The following DACH2 variants were observed in gnomAD, a reference collection of about 807,000 sequenced individuals.
The protein encoded by DACH2 is dachshund family transcription factor 2.
DACH2 carries 17 observed loss-of-function variants against 35.8 expected under a neutral mutation model. The observed-to-expected ratio is 0.48, with a 90% confidence interval of 0.33 to 0.71. The LOEUF is 0.71. Among genes scored for constraint, DACH2 ranks in the 30% least tolerant of loss-of-function variants. DACH2 has a pLI of 0.02. For synonymous variants in DACH2, 195 were observed against 177.3 expected (o/e 1.10, Z -0.79); for missense variants, 469 against 472.7 (o/e 0.99, Z 0.07).
chrX:86,400,810 A>C (rs895496707), intron 2 of DACH2, among the ~76,000 whole-genome samples: 9 of 111,968 alleles, frequency 8.0e-5, no homozygotes, highest in African/African-American at 2.9e-4. Flanking sequence ...CCTCCTAGTT[A>C]GGCTACTCGG....
chrX:86,698,471 T>G (rs1223340887), intron 5 of DACH2, among the ~76,000 whole-genome samples: 1 of 105,919 alleles, frequency 9.4e-6, no homozygotes, highest in Non-Finnish European at 1.9e-5. Context: ...AGGAATAAAT[T>G]TAGATAAATT....
intron 7 of DACH2, among the ~76,000 whole-genome samples, chrX:86,804,847 G>C (rs1190088276): frequency 9.4e-6 from 1 of 106,900 alleles, no homozygotes; most frequent in Non-Finnish European, 1.9e-5. Context: ...GGGCATACTA[G>C]TACAATAGGC....
intron 2 of DACH2, among the ~76,000 whole-genome samples, chrX:86,463,856 G>A (rs1006017532): frequency 6.3e-5 from 7 of 111,365 alleles, no homozygotes; most frequent in African/African-American, 1.3e-4. Flanking sequence ...CAAAAAGTGG[G>A]CAAAGGGTAT....
chrX:86,238,223 T>A (rs190766685), intron 1 of DACH2, among the ~76,000 whole-genome samples: 19 of 112,565 alleles, frequency 1.7e-4, no homozygotes, highest in Middle Eastern at 9.3e-3. Flanking sequence ...GCAGGATCCC[T>A]TTTCTAAATG....
chrX:86,219,127 G>C (rs1019455314), intron 1 of DACH2, among the ~76,000 whole-genome samples: 4 of 111,853 alleles, frequency 3.6e-5, no homozygotes, highest in Non-Finnish European at 7.5e-5. Flanking sequence ...AACGTGAGTT[G>C]ATGCATTTAG....
chrX:86,638,014 C>T lies in DACH2; in HGVS notation c.641-13022C>T, dbSNP rs763717602. Among the ~76,000 whole-genome samples the T allele has an allele frequency of 6.4e-5, 7 of 109,361 alleles. No individual in the cohort carries two copies. In the South Asian group the frequency reaches 2.7e-3, roughly 42 times the overall value. 95.0% of individuals were successfully genotyped at this position (109,361 alleles called of 115,157 possible). On this transcript the variant is annotated intron_variant, in intron 3 of 11. Transcript: ENST00000373125. Reference sequence around the variant, plus strand: ...ATCACAATACTGATCCCAAATTATACATCAGAGGTACACTAACGAAAACAA... The same window carrying T: ...ATCACAATACTGATCCCAAATTATATATCAGAGGTACACTAACGAAAACAA...
At chrX:86,396,027 G>C (rs995777420) in intron 2 of DACH2, among the ~76,000 whole-genome samples, 9 of 111,134 alleles carry the variant, frequency 8.1e-5, no homozygotes, top group Non-Finnish European at 1.5e-4. Flanking sequence ...GTTCCTATTC[G>C]TCCACATCCT....
At chrX:86,502,514 T>C (rs767406507) in intron 2 of DACH2, among the ~76,000 whole-genome samples, 16 of 112,541 alleles carry the variant, frequency 1.4e-4, no homozygotes, top group Non-Finnish European at 9.4e-5. Context: ...AGACTGGCTT[T>C]TAAATTCTAT....
At position 86,548,500 on chromosome X, in the gene DACH2, G is replaced by A. The variant is rs774276466; in HGVS notation, c.640+34109G>A. On this transcript the variant is annotated intron_variant, in intron 3 of 11. Transcript: ENST00000373125. ...CTTAGTCACACAGTTCCTCTTGTCC[G>A]TCTGTGAAACAAATCTCCATGCAGT... Among the ~76,000 whole-genome samples the A allele has an allele frequency of 6.3e-5, 7 of 111,948 alleles. 1 individual carries two copies. In the South Asian group the frequency reaches 1.1e-3, roughly 18 times the overall value.
At chrX:86,562,834 A>G (rs922119209) in intron 3 of DACH2, among the ~76,000 whole-genome samples, 1 of 111,740 alleles carries the variant, frequency 8.9e-6, no homozygotes, top group Non-Finnish European at 1.9e-5. Flanking sequence ...CCTTAACTGT[A>G]TTGCATCATG....
chrX:86,169,015 C>T (rs1433791791), intron 1 of DACH2, among the ~76,000 whole-genome samples: 1 of 111,259 alleles, frequency 9.0e-6, no homozygotes, highest in African/African-American at 3.3e-5. Flanking sequence ...CAAACCCTTA[C>T]TTATTGTTCT....
At chrX:86,706,757 A>G (rs1421643395) in intron 5 of DACH2, among the ~76,000 whole-genome samples, 1 of 110,407 alleles carries the variant, frequency 9.1e-6, no homozygotes, top group Non-Finnish European at 1.9e-5. Context: ...CAAGTCAAAA[A>G]AGAACCCCCA....
intron 4 of DACH2, among the ~76,000 whole-genome samples, chrX:86,688,716 G>A (rs1434241096): frequency 8.9e-6 from 1 of 111,986 alleles, no homozygotes; most frequent in Non-Finnish European, 1.9e-5. Context: ...TTTCAGACAT[G>A]TTGAATTGAA....
intron 3 of DACH2, among the ~76,000 whole-genome samples, chrX:86,549,657 G>A (rs1473619212): frequency 1.8e-5 from 2 of 109,649 alleles, no homozygotes; most frequent in African/African-American, 6.6e-5. Context: ...AAGACTTTTT[G>A]TACCTGGAAA....
At chrX:86,211,673 T>C (rs1189011820) in intron 1 of DACH2, among the ~76,000 whole-genome samples, 3 of 111,724 alleles carry the variant, frequency 2.7e-5, no homozygotes, top group Non-Finnish European at 5.7e-5. Flanking sequence ...ATTTTGGATA[T>C]TTGTAGTGCT....
chrX:86,527,566 T>C (rs1339034191), intron 3 of DACH2, among the ~76,000 whole-genome samples: 1 of 112,697 alleles, frequency 8.9e-6, no homozygotes, highest in Non-Finnish European at 1.9e-5. Context: ...TTTTATGGTA[T>C]GAATATAACA....
At chrX:86,588,587 G>T (rs1001449691) in intron 3 of DACH2, among the ~76,000 whole-genome samples, 17 of 111,391 alleles carry the variant, frequency 1.5e-4, no homozygotes, top group Admixed American at 6.7e-4. Flanking sequence ...CATCTCCTTG[G>T]TTAGCTCTAT....
intron 2 of DACH2, among the ~76,000 whole-genome samples, chrX:86,513,987 A>G (rs766343730): frequency 3.6e-5 from 4 of 111,650 alleles, no homozygotes; most frequent in Admixed American, 9.5e-5. Context: ...AAGCAGGGGT[A>G]ACTTAGGGTT....
chrX:86,480,533 C>G (rs2037921349), intron 2 of DACH2, among the ~76,000 whole-genome samples: 1 of 111,768 alleles, frequency 8.9e-6, no homozygotes, highest in African/African-American at 3.3e-5. Context: ...GTGAAGCCAG[C>G]CAGGCCTGTG....
Sources: allele counts gnomAD v4.1 joint callset (sites outside exome capture counted in the v4.1 genomes callset), GRCh38; gene constraint gnomAD v4.1.1; transcripts MANE v1.5; gene names NCBI Gene and HGNC (gene_info 2026-07-23, HGNC 2026-07-21).